The following CACNB1 variants were observed in gnomAD, a reference collection of about 807,000 sequenced individuals.
CACNB1 encodes the protein voltage-dependent L-type calcium channel subunit beta-1.
Under a neutral mutation model 71.6 loss-of-function variants are expected in CACNB1, and 29 were observed. The ratio of observed to expected loss-of-function variants is 0.40; its 90% CI spans 0.30 to 0.55. CACNB1 has a LOEUF of 0.55. Among genes scored for constraint, CACNB1 ranks in the 20% least tolerant of loss-of-function variants. The probability of loss-of-function intolerance (pLI) is 0.38; values close to 1 mark genes in which losing one functional copy is unlikely to be tolerated. For synonymous variants in CACNB1, 300 were observed against 319.6 expected (o/e 0.94, Z 0.65); for missense variants, 623 against 801.8 (o/e 0.78, Z 2.69).
intron 7 of CACNB1, 76 bp downstream of exon 7, chr17:39,185,055 G>A: frequency 1.5e-6 from 2 of 1,327,750 alleles, no homozygotes; most frequent in Non-Finnish European, 1.1e-6. Flanking sequence ...GGACAGATGT[G>A]GGAATGGGTG....
Position 39,186,950 on chromosome 17 carries a change from G to T in CACNB1, c.415-21C>A. On this transcript the variant is annotated intron_variant, in intron 4 of 13. Transcript: ENST00000394303. The surrounding 1 kb of genome is among the most constrained non-coding windows in gnomAD (Gnocchi z 4.1). ...TATTTCTGCAAAGAATATGGCAGGT[G>T]GGTGGAAAGAGCAAGAGGGAAACTG... 3 of 1,612,132 alleles carry T rather than the reference G, an allele frequency of 1.9e-6. No homozygotes were observed. Among genetic ancestry groups the T allele is most frequent in the Non-Finnish European group, 2.5e-6 (3 of 1,178,382 alleles).
rs1344773082 is a variant in CACNB1, at chr17:39,177,253, C to A, written c.1332+97G>T. On this transcript the variant is annotated intron_variant, in intron 13 of 13. Coordinates refer to ENST00000394303, the MANE Select transcript of CACNB1 (RefSeq NM_000723.5). The stretch of plus-strand genomic sequence containing the variant: ...GACGGGCAGGGCGCCCACTACATGG[C>A]ATGTTCCTGCTCCTGGGGCACCACA... 3 of 1,596,278 alleles carry A rather than the reference C, an allele frequency of 1.9e-6. No individual in the cohort carries two copies. In the Admixed American group the frequency reaches 5.1e-5, roughly 27 times the overall value.
chr17:39,177,912 T>G, intron 12 of CACNB1, 72 bp downstream of exon 12: 1 of 1,220,512 alleles, frequency 8.2e-7, no homozygotes, highest in Non-Finnish European at 1.2e-6. Context: ...CTGTCTCTCA[T>G]GTAGGCCAGA....
chr17:39,183,773 G>T lies in CACNB1; in HGVS notation c.990C>A (p.Ala330=). ...ALDADTINHP[A]QLSKTSLAPI... ...GGGCCAGCGAGGTCTTGGACAGCTGGGCTGGGTGATTGATGGTGTCAGCAT... is the reference window on the plus strand; with the variant it reads ...GGGCCAGCGAGGTCTTGGACAGCTGTGCTGGGTGATTGATGGTGTCAGCAT... The change falls in exon 11 of 14, where the codon GCC becomes GCA. Residue 330 remains alanine (A), a synonymous_variant. Coordinates refer to ENST00000394303, the MANE Select transcript of CACNB1 (RefSeq NM_000723.5). 1 of 1,613,828 alleles carries T rather than the reference G, an allele frequency of 6.2e-7. No homozygotes were observed. The highest frequency in any genetic ancestry group is 8.5e-7 in the Non-Finnish European group (1 of 1,179,888).
intron 1 of CACNB1, among the ~76,000 whole-genome samples, chr17:39,196,230 C>T (rs1448532893): frequency 2.0e-5 from 3 of 152,048 alleles, no homozygotes; most frequent in Non-Finnish European, 2.9e-5. Context: ...TTTCCAAGAT[C>T]CTCCCCTCCC....
chr17:39,181,896 C>T (rs1016902197), intron 11 of CACNB1, among the ~76,000 whole-genome samples: 2 of 152,048 alleles, frequency 1.3e-5, no homozygotes, highest in Admixed American at 6.6e-5. Flanking sequence ...GGCACAGTGG[C>T]TCACACCTGT....
chr17:39,188,032 CA>C (rs535207064), intron 3 of CACNB1, among the ~76,000 whole-genome samples: 1 of 151,894 alleles, frequency 6.6e-6, no homozygotes, highest in Non-Finnish European at 1.5e-5. Flanking sequence ...ACAACAACAA[CA>C]AAATGTATAC....
Position 39,191,472 on chromosome 17 carries a change from A to G in CACNB1, c.291+2T>C. 6.3e-7 allele frequency: 1 copy of G among 1,599,624 alleles called. No homozygotes were observed. Among genetic ancestry groups the G allele is most frequent in the Non-Finnish European group, 8.5e-7 (1 of 1,175,280 alleles). ...CACAGCCCCTCCCCACATCTTTCTC[A>G]CCTTGGCCTTCTCGAGCTGCGCTAA... On this transcript the variant is annotated splice_donor_variant, in intron 3 of 13. Coordinates refer to ENST00000394303, the MANE Select transcript of CACNB1 (RefSeq NM_000723.5). LOFTEE classifies it high-confidence loss of function.
At chr17:39,189,828 G>A (rs1293217892) in intron 3 of CACNB1, among the ~76,000 whole-genome samples, 1 of 151,534 alleles carries the variant, frequency 6.6e-6, no homozygotes, top group Non-Finnish European at 1.5e-5. Flanking sequence ...AATAAAAGGG[G>A]CAGCTGGGCA....
At chr17:39,187,439 T>C in intron 4 of CACNB1, 40 bp downstream of exon 4, 1 of 1,611,332 alleles carries the variant, frequency 6.2e-7, no homozygotes, top group South Asian at 1.1e-5. Flanking sequence ...GCTGCCTGTC[T>C]CCTGGCACCC....
chr17:39,191,426 G>T, intron 3 of CACNB1, 48 bp downstream of exon 3: 1 of 1,561,236 alleles, frequency 6.4e-7, no homozygotes, highest in Non-Finnish European at 8.6e-7. Context: ...TACAGCCCAG[G>T]ACTGGGGGAA....
chr17:39,188,973 G>A (rs867104201), intron 3 of CACNB1, among the ~76,000 whole-genome samples: 2 of 152,106 alleles, frequency 1.3e-5, no homozygotes, highest in African/African-American at 4.8e-5. Context: ...AATCTGGGAG[G>A]TGGAGGTTGC....
intron 13 of CACNB1, chr17:39,177,076 A>AG: frequency 7.3e-7 from 1 of 1,376,910 alleles, no homozygotes; most frequent in African/African-American, 1.5e-5. Flanking sequence ...CTATGGCACC[A>AG]GGCCCAGGAA....
At chr17:39,176,026 T>C (rs2045569789) in intron 13 of CACNB1, among the ~76,000 whole-genome samples, 1 of 152,192 alleles carries the variant, frequency 6.6e-6, no homozygotes, top group Non-Finnish European at 1.5e-5. Context: ...TAGCGGTTGA[T>C]TCGGTTAGTC....
intron 3 of CACNB1, 91 bp from the exon 4 acceptor site, chr17:39,187,692 G>T: frequency 7.0e-7 from 1 of 1,418,708 alleles, no homozygotes; most frequent in Non-Finnish European, 9.9e-7. Flanking sequence ...TTACTTGGAT[G>T]TTTACTTTAT....
intron 1 of CACNB1, among the ~76,000 whole-genome samples, chr17:39,196,922 G>T (rs1256084919): frequency 6.6e-6 from 1 of 152,064 alleles, no homozygotes. Flanking sequence ...ACCAGTGTCT[G>T]CGGCTTTGAA....
At chr17:39,185,195 G>C in intron 6 of CACNB1, 45 bp from the exon 7 acceptor site, 7 of 1,513,682 alleles carry the variant, frequency 4.6e-6, no homozygotes, top group Non-Finnish European at 5.5e-6. Context: ...AGGAGAGAGG[G>C]AAGGGGACCC....
chr17:39,175,776 G>A lies in CACNB1; in HGVS notation c.1333-119C>T. The A allele has an allele frequency of 1.2e-6, 1 of 853,710 alleles. No homozygotes were observed. Among genetic ancestry groups the A allele is most frequent in the South Asian group, 1.8e-5 (1 of 55,498 alleles). 52.9% of individuals were successfully genotyped at this position (853,710 alleles called of 1,614,324 possible). A position where few individuals can be genotyped will look rare whatever the true frequency, so the allele number is the denominator to read the frequency against. On this transcript the variant is annotated intron_variant, in intron 13 of 13. Coordinates refer to ENST00000394303, the MANE Select transcript of CACNB1 (RefSeq NM_000723.5). The surrounding 1 kb of genome is among the most constrained non-coding windows in gnomAD (Gnocchi z 4.7). The stretch of plus-strand genomic sequence containing the variant: ...TCCGGCCTGGATGAAGAGGGTGCTG[G>A]CTCTAGAGGAGGGGCCCCGGGGACA...
chr17:39,190,792 A>C (rs1277557389), intron 3 of CACNB1, among the ~76,000 whole-genome samples: 1 of 152,198 alleles, frequency 6.6e-6, no homozygotes, highest in Non-Finnish European at 1.5e-5. Flanking sequence ...GTACCATGTT[A>C]CACACTTAAC....
Sources: gnomAD v4.1 joint callset for allele counts (sites outside exome capture counted in the v4.1 genomes callset) on GRCh38, gnomAD v4.1.1 for gene constraint, Gnocchi (gnomAD v3.1) non-coding constraint, MANE v1.5 for transcripts, NCBI Gene and HGNC (gene_info 2026-07-23, HGNC 2026-07-21) for gene names.